The following MED15 variants were observed in gnomAD, a reference collection of about 807,000 sequenced individuals.
The protein encoded by MED15 is mediator complex subunit 15.
Under a neutral mutation model 118.7 loss-of-function variants are expected in MED15, and 41 were observed. That is an observed-to-expected ratio of 0.35 (90% CI 0.27 to 0.45). The LOEUF (loss-of-function observed/expected upper bound fraction) is 0.45. Among genes scored for constraint, MED15 ranks in the 20% least tolerant of loss-of-function variants. MED15 has a pLI of 1.00. For synonymous variants in MED15, 436 were observed against 413.9 expected (o/e 1.05, Z -0.65); for missense variants, 740 against 1,025.5 (o/e 0.72, Z 3.80).
intron 2 of MED15, among the ~76,000 whole-genome samples, chr22:20,547,397 CT>C (rs2055586488): frequency 1.3e-5 from 2 of 152,160 alleles, no homozygotes; most frequent in African/African-American, 4.8e-5. Flanking sequence ...ATTTGCTATA[CT>C]TTTCATTTTA....
At chr22:20,583,020 C>T in intron 11 of MED15, 53 bp downstream of exon 11, 1 of 1,586,236 alleles carries the variant, frequency 6.3e-7, no homozygotes, top group South Asian at 1.1e-5. Context: ...GAGGCCTCAG[C>T]TCATACTGGG....
At chr22:20,571,156 G>T (rs560878478) in intron 8 of MED15, among the ~76,000 whole-genome samples, 1 of 152,200 alleles carries the variant, frequency 6.6e-6, no homozygotes, top group Non-Finnish European at 1.5e-5. Flanking sequence ...TGGTATGTTC[G>T]TTAGGCTTCT....
rs568540260 is a variant in MED15 at position 20,576,433 on chromosome 22, C to G, written c.1272+1201C>G. On this transcript the variant is annotated intron_variant, in intron 9 of 17. Transcript: ENST00000263205. ...CAGGATGGCCCTTGGTCCATGTGGC[C>G]CCAAGCCTGGTGCCACACACCACAC... is the stretch of plus-strand genomic sequence containing the variant. Among the ~76,000 whole-genome samples the G allele has an allele frequency of 3.3e-5, 5 of 152,336 alleles. No individual in the cohort carries two copies. The East Asian group carries it at 5.8e-4, about 18-fold the overall frequency.
Position 20,583,647 on chromosome 22 carries a change from A to T in MED15, c.1736+254A>T. The T allele has an allele frequency of 8.1e-6, 4 of 490,940 alleles. No individual in the cohort carries two copies. The South Asian group carries it at 9.2e-5, about 11-fold the overall frequency. 30.4% of individuals were successfully genotyped at this position (490,940 alleles called of 1,614,324 possible). ...TGCTGGGCCATCACAGCCAGACCTC[A>T]TCCAGTCAGCAGCCAGGGGCCCAGC... On this transcript the variant is annotated intron_variant, in intron 13 of 17. Coordinates refer to ENST00000263205, the MANE Select transcript of MED15 (RefSeq NM_001003891.3).
intron 2 of MED15, among the ~76,000 whole-genome samples, chr22:20,541,319 A>G (rs766978633): frequency 2.0e-5 from 3 of 152,216 alleles, no homozygotes; most frequent in Admixed American, 6.5e-5. Flanking sequence ...CCTATCTCCA[A>G]AGAAGAGATA....
At chr22:20,556,059 A>G (rs1021331029) in intron 5 of MED15, among the ~76,000 whole-genome samples, 1 of 152,146 alleles carries the variant, frequency 6.6e-6, no homozygotes, top group Non-Finnish European at 1.5e-5. Context: ...AGTCCCATCA[A>G]CATTTCTTAG....
intron 8 of MED15, among the ~76,000 whole-genome samples, chr22:20,572,808 C>G (rs2056706961): frequency 6.6e-6 from 1 of 152,086 alleles, no homozygotes; most frequent in Non-Finnish European, 1.5e-5. Flanking sequence ...GTCTGCAGTC[C>G]CTGCTACTCG....
intron 1 of MED15, chr22:20,508,099 G>A: frequency 7.8e-7 from 1 of 1,281,168 alleles, no homozygotes; most frequent in Non-Finnish European, 1.0e-6. Context: ...AGTGGGTTTA[G>A]CAGGGCTGGG....
intron 9 of MED15, among the ~76,000 whole-genome samples, chr22:20,577,973 G>A (rs1392813621): frequency 6.6e-6 from 1 of 152,046 alleles, no homozygotes; most frequent in Non-Finnish European, 1.5e-5. Flanking sequence ...CCCCCAGGCA[G>A]GAGTGCAATG....
intron 1 of MED15, among the ~76,000 whole-genome samples, chr22:20,533,081 A>C (rs2054920948): frequency 6.6e-6 from 1 of 152,206 alleles, no homozygotes. Flanking sequence ...TGGGGATGGC[A>C]GCAGAGCCCA....
At chr22:20,543,832 A>G (rs993095543) in intron 2 of MED15, among the ~76,000 whole-genome samples, 12 of 152,174 alleles carry the variant, frequency 7.9e-5, no homozygotes, top group Non-Finnish European at 1.5e-4. Context: ...TGCTGGGATT[A>G]TAGGCATGAG....
At chr22:20,550,546 T>TCACAGTGA (rs2055726966) in intron 2 of MED15, among the ~76,000 whole-genome samples, 1 of 152,264 alleles carries the variant, frequency 6.6e-6, no homozygotes, top group African/African-American at 2.4e-5. Context: ...ACTCTGAGTG[T>TCACAGTGA]CACAGTGACT....
chr22:20,570,726 T>TTTTGTTTCTTTC (rs2056620383), intron 8 of MED15, among the ~76,000 whole-genome samples: 1 of 113,742 alleles, frequency 8.8e-6, no homozygotes, highest in Admixed American at 8.9e-5. Context: ...TTCTCTTTTC[T>TTTTGTTTCTTTC]TTTCTTTCTT....
At chr22:20,575,461 T>C (rs2056796035) in intron 9 of MED15, among the ~76,000 whole-genome samples, 2 of 151,992 alleles carry the variant, frequency 1.3e-5, no homozygotes, top group South Asian at 4.1e-4. Flanking sequence ...AAAATAGTTA[T>C]ACTGTACGCA....
intron 5 of MED15, among the ~76,000 whole-genome samples, chr22:20,559,704 C>A (rs965275435): frequency 2.6e-5 from 4 of 152,166 alleles, no homozygotes; most frequent in African/African-American, 9.7e-5. Flanking sequence ...ATAGAGCTGC[C>A]AGTCACATTT....
chr22:20,584,392 C>T lies in MED15; in HGVS notation c.1770C>T (p.Ile590=), dbSNP rs369151271. ...TGAAGACCTTGCAAAAGTGTGAGAT[C>T]GCCCTGGAGAAACTCAAGAATGACA... ...CPLKTLQKCE[I]ALEKLKNDMA... is the part of the protein sequence containing the mutation. Residue 590 remains isoleucine, a synonymous_variant, in exon 14 of 18, where the codon ATC becomes ATT. Coordinates refer to ENST00000263205, the MANE Select transcript of MED15 (RefSeq NM_001003891.3). 14 of 1,613,676 alleles carry T rather than the reference C, an allele frequency of 8.7e-6. No individual in the cohort carries two copies. The Admixed American group carries it at 1.2e-4, about 13-fold the overall frequency.
rs772789067 is a variant in MED15, at chr22:20,582,679, G to A, written c.1341G>A (p.Ser447=). Residue 447 remains serine (S), a synonymous_variant, in exon 10 of 18, where the codon TCG becomes TCA. Transcript: ENST00000263205. Reference sequence around the variant, plus strand: ...GCCAGCAGGTGCAGACCCCGCAGTCGATGCCCCCTCCCCCCCAGCCGTCCC... The same window carrying A: ...GCCAGCAGGTGCAGACCCCGCAGTCAATGCCCCCTCCCCCCCAGCCGTCCC... ...SPGQQVQTPQ[S]MPPPPQPSPQ... 6.3e-6 allele frequency: 10 copies of A among 1,597,482 alleles called. No homozygotes were observed. Among genetic ancestry groups the A allele is most frequent in the East Asian group, 2.2e-5 (1 of 44,750 alleles).
chr22:20,539,034 T>A (rs542881460), intron 2 of MED15, among the ~76,000 whole-genome samples: 6 of 152,306 alleles, frequency 3.9e-5, no homozygotes, highest in Non-Finnish European at 8.8e-5. Context: ...TGCAGCTGGC[T>A]TATTTCACTT....
intron 8 of MED15, among the ~76,000 whole-genome samples, chr22:20,572,179 G>A (rs1341934489): frequency 6.6e-6 from 1 of 152,160 alleles, no homozygotes; most frequent in Non-Finnish European, 1.5e-5. Context: ...TCACTTTGAG[G>A]GCCTTCAGAT....
Sources: allele counts gnomAD v4.1 joint callset (sites outside exome capture counted in the v4.1 genomes callset), GRCh38; gene constraint gnomAD v4.1.1; transcripts MANE v1.5; gene names NCBI Gene and HGNC (gene_info 2026-07-23, HGNC 2026-07-21).